PIEZO2: variants seen among roughly 807,000 people sequenced by gnomAD.
PIEZO2 encodes the protein piezo type mechanosensitive ion channel component 2.
In PIEZO2, 172 loss-of-function variants were observed where a neutral mutation model predicts 337.3. The ratio of observed to expected loss-of-function variants is 0.51; its 90% CI spans 0.45 to 0.58. The LOEUF (loss-of-function observed/expected upper bound fraction) is 0.58. PIEZO2 is among the 20% of genes least tolerant of loss of function. The probability of loss-of-function intolerance (pLI) is 0.00; values close to 1 mark genes in which losing one functional copy is unlikely to be tolerated. For missense variants in PIEZO2, 3,028 were observed against 3,391.3 expected, an observed-to-expected ratio of 0.89 and a Z score of 2.66; for synonymous variants, 1,251 against 1,228.5, an observed-to-expected ratio of 1.02 and a Z score of -0.38.
In PIEZO2 at chr18:11,143,623, A is replaced by ACT. The variant is rs1568412583; in HGVS notation, c.64+4901_64+4902insAG. Among the ~76,000 whole-genome samples the ACT allele has an allele frequency of 2.8e-5, 4 of 143,076 alleles. No individual in the cohort carries two copies. The highest frequency in any genetic ancestry group is 1.1e-4 in the African/African-American group (4 of 35,524). 93.9% of individuals were successfully genotyped at this position (143,076 alleles called of 152,430 possible). The stretch of plus-strand genomic sequence containing the variant: ...CTAACACACACACACACACACACAC[A>ACT]CACACACACACACACACTCTCTCTC... On this transcript the variant is annotated intron_variant, in intron 1 of 55. Transcript: ENST00000674853. The surrounding 1 kb of genome is among the most constrained non-coding windows in gnomAD (Gnocchi z 4.9).
chr18:11,111,381 T>C lies in PIEZO2; in HGVS notation c.64+37144A>G, dbSNP rs2146145577. Among the ~76,000 whole-genome samples the C allele has an allele frequency of 6.6e-6, 1 of 152,112 alleles. No individual in the cohort carries two copies. The highest frequency in any genetic ancestry group is 1.9e-4 in the East Asian group (1 of 5,194). On this transcript the variant is annotated intron_variant, in intron 1 of 55. Coordinates refer to ENST00000674853, the MANE Select transcript of PIEZO2 (RefSeq NM_001378183.1). The surrounding 1 kb of genome is among the most constrained non-coding windows in gnomAD (Gnocchi z 6.2). ...TTTTCCTAACCAAGTCCTGAACCAA[T>C]GTAAGACTTTTCATAAAAACCTAGA...
At chr18:11,056,281 A>G (rs77515344) in intron 2 of PIEZO2, among the ~76,000 whole-genome samples, 1,817 of 152,202 alleles carry the variant, frequency 0.012, 36 homozygotes, top group African/African-American at 0.042. Context: ...ATTCCCAGGG[A>G]GGGATTTTGC....
intron 3 of PIEZO2, among the ~76,000 whole-genome samples, chr18:10,972,228 G>C (rs1482897195): frequency 2.0e-5 from 3 of 149,518 alleles, no homozygotes; most frequent in African/African-American, 7.4e-5. Context: ...TGTTAGTTTA[G>C]TTTACATGAA....
rs2039201206 is a variant in PIEZO2, at chr18:11,094,404, C to G, written c.65-28182G>C. Among the ~76,000 whole-genome samples, 1 of 152,134 alleles carries G rather than the reference C, an allele frequency of 6.6e-6. No individual in the cohort carries two copies. Among genetic ancestry groups the G allele is most frequent in the Non-Finnish European group, 1.5e-5 (1 of 68,016 alleles). On this transcript the variant is annotated intron_variant, in intron 1 of 55. Coordinates refer to ENST00000674853, the MANE Select transcript of PIEZO2 (RefSeq NM_001378183.1). This position sits in a 1 kb window ranked among gnomAD's most constrained non-coding sequence, Gnocchi z 4.4. Reference sequence around the variant, plus strand: ...CCAGGGCTTTGAGTCAAGTTAACGACTTTTCCACCATTTTACAGCTGCCTT... The same window carrying G: ...CCAGGGCTTTGAGTCAAGTTAACGAGTTTTCCACCATTTTACAGCTGCCTT...
rs1165600512 is a variant in PIEZO2, at chr18:11,128,798, C to T, written c.64+19727G>A. Among the ~76,000 whole-genome samples, 5 of 152,126 alleles carry T rather than the reference C, an allele frequency of 3.3e-5. No homozygotes were observed. Among genetic ancestry groups the T allele is most frequent in the African/African-American group, 9.7e-5 (4 of 41,400 alleles). On this transcript the variant is annotated intron_variant, in intron 1 of 55. Coordinates refer to ENST00000674853, the MANE Select transcript of PIEZO2 (RefSeq NM_001378183.1). The surrounding 1 kb of genome is among the most constrained non-coding windows in gnomAD (Gnocchi z 4.1). ...GTGTGACCCATGAGGAGGTGCACTA[C>T]ACTCAAAAAGAACTGTTTGAGTTCT... is the stretch of plus-strand genomic sequence containing the variant.
In PIEZO2 at chr18:10,761,109, A is replaced by T. The variant is rs768402678; in HGVS notation, c.3252T>A (p.Asn1084Lys). The T allele has an allele frequency of 6.5e-7, 1 of 1,536,978 alleles. No homozygotes were observed. Among genetic ancestry groups the T allele is most frequent in the Non-Finnish European group, 8.7e-7 (1 of 1,146,660 alleles). ...CCAGGATAGCCAGCATCAGGAGGTT[A>T]TTCTACAAAGCAAGGAAACACAAAT... ...KSSPLLVYLR[N>K]NLLMLAILAF... is the part of the protein sequence containing the mutation. The change falls in exon 24 of 56, where the codon AAT (asparagine) becomes AAA (lysine). Residue 1084 changes from asparagine to lysine, a missense_variant and splice_region_variant. Asn to Lys is a moderately conservative substitution (Grantham distance 94, BLOSUM62 0). Transcript: ENST00000674853.
rs147741337 is a variant in PIEZO2, at chr18:11,097,760, T to G, written c.65-31538A>C. Among the ~76,000 whole-genome samples, 24 of 152,364 alleles carry G rather than the reference T, an allele frequency of 1.6e-4. No individual in the cohort carries two copies. The highest frequency in any genetic ancestry group is 5.5e-4 in the African/African-American group (23 of 41,580). On this transcript the variant is annotated intron_variant, in intron 1 of 55. Transcript: ENST00000674853. This position sits in a 1 kb window ranked among gnomAD's most constrained non-coding sequence, Gnocchi z 5.0. ...TTTGTAATGAAATGTATGGAAATACTGTTGTATGGTAGATATATATTCCTA... is the reference window on the plus strand; with the variant it reads ...TTTGTAATGAAATGTATGGAAATACGGTTGTATGGTAGATATATATTCCTA...
At chr18:10,751,900 G>A (rs2037660542) in intron 28 of PIEZO2, among the ~76,000 whole-genome samples, 1 of 152,150 alleles carries the variant, frequency 6.6e-6, no homozygotes, top group South Asian at 2.1e-4. Context: ...TTACTAGTGG[G>A]CAGTGTGAGT....
rs1021132796 is a variant in PIEZO2, at chr18:10,682,490, G to T, written c.7498-198C>A. On this transcript the variant is annotated intron_variant, in intron 49 of 55. Coordinates refer to ENST00000674853, the MANE Select transcript of PIEZO2 (RefSeq NM_001378183.1). This position sits in a 1 kb window ranked among gnomAD's most constrained non-coding sequence, Gnocchi z 5.6. Reference sequence around the variant, plus strand: ...TGAAGTTAGGTAGTGATGTGAAGCTGTCCTGAGGTCGCTCCAGTACCCCCT... The same window carrying T: ...TGAAGTTAGGTAGTGATGTGAAGCTTTCCTGAGGTCGCTCCAGTACCCCCT... Among the ~76,000 whole-genome samples, 13 of 152,188 alleles carry T rather than the reference G, an allele frequency of 8.5e-5. No individual in the cohort carries two copies.
Position 10,795,351 on chromosome 18 carries a change from ATTATTTTATTTTATT to A in PIEZO2, c.1528-364_1528-350del, listed in dbSNP as rs10694670. Reference sequence around the variant, plus strand: ...ATTTTATTTTATTTTATTTTATTTTATTATTTTATTTTATTTTATTTTATTTTATTTTATTTTATT... The same window carrying A: ...ATTTTATTTTATTTTATTTTATTTTATTATTTTATTTTATTTTATTTTATT... On this transcript the variant is annotated intron_variant, in intron 12 of 55. Transcript: ENST00000674853. The surrounding 1 kb of genome is among the most constrained non-coding windows in gnomAD (Gnocchi z 4.4). Among the ~76,000 whole-genome samples the A allele has an allele frequency of 1.7e-3, 35 of 20,528 alleles. No homozygotes were observed. Among genetic ancestry groups the A allele is most frequent in the Admixed American group, 6.8e-3 (12 of 1,770 alleles). 13.5% of individuals were successfully genotyped at this position (20,528 alleles called of 152,430 possible).
rs563464674 is a variant in PIEZO2 at position 10,753,522 on chromosome 18, C to A, written c.3924-643G>T. ...TGCAACAAGCAGCAGCTCTAGCCTG[C>A]GGGTCAATGTCATCTGACAGGAGTC... On this transcript the variant is annotated intron_variant, in intron 27 of 55. Transcript: ENST00000674853. Among the ~76,000 whole-genome samples the A allele has an allele frequency of 8.7e-4, 133 of 152,304 alleles. 2 individuals are homozygous for A. The highest frequency in any genetic ancestry group is 2.9e-3 in the Admixed American group (44 of 15,296).
Position 10,879,432 on chromosome 18 carries a change from G to A in PIEZO2, c.330-8017C>T, listed in dbSNP as rs188983613. ...TTTTTTTGAGACGGAGTCTTGCGCT[G>A]TTGCCCAGGCTGGAGTGCAGTAGTG... On this transcript the variant is annotated intron_variant, in intron 4 of 55. Coordinates refer to ENST00000674853, the MANE Select transcript of PIEZO2 (RefSeq NM_001378183.1). Among the ~76,000 whole-genome samples, 93 of 118,324 alleles carry A rather than the reference G, an allele frequency of 7.9e-4. 1 individual carries two copies. The East Asian group carries it at 0.019, about 24-fold the overall frequency. 77.6% of individuals were successfully genotyped at this position (118,324 alleles called of 152,430 possible). A position where few individuals can be genotyped will look rare whatever the true frequency, so the allele number is the denominator to read the frequency against.
chr18:11,049,742 T>C (rs1161752767), intron 2 of PIEZO2, among the ~76,000 whole-genome samples: 1 of 152,190 alleles, frequency 6.6e-6, no homozygotes, highest in Non-Finnish European at 1.5e-5. Flanking sequence ...TCCTTCTGTC[T>C]TGCCTGCCAC....
At chr18:10,971,286 C>A (rs548006722) in intron 3 of PIEZO2, among the ~76,000 whole-genome samples, 18 of 152,180 alleles carry the variant, frequency 1.2e-4, no homozygotes, top group African/African-American at 4.1e-4. Context: ...AATCTCAGGG[C>A]GACACACACT....
intron 2 of PIEZO2, among the ~76,000 whole-genome samples, chr18:11,043,302 G>A (rs1396205873): frequency 2.0e-5 from 3 of 151,788 alleles, no homozygotes; most frequent in African/African-American, 4.8e-5. Context: ...GATTATTAGG[G>A]TTACCAGATT....
rs1325814376 is a variant in PIEZO2 at position 11,021,952 on chromosome 18, G to A, written c.161-42292C>T. 2.0e-5 allele frequency among the ~76,000 whole-genome samples: 3 copies of A among 152,140 alleles called. No homozygotes were observed. The highest frequency in any genetic ancestry group is 1.9e-4 in the East Asian group (1 of 5,196). ...CCTGTGCCCCTTGCAGAGTCACCAC[G>A]TGTGAAGGGGATTTGCAGGGGGGTC... On this transcript the variant is annotated intron_variant, in intron 2 of 55. Coordinates refer to ENST00000674853, the MANE Select transcript of PIEZO2 (RefSeq NM_001378183.1). This position sits in a 1 kb window ranked among gnomAD's most constrained non-coding sequence, Gnocchi z 4.7.
rs1415393940 is a variant in PIEZO2 at position 10,773,905 on chromosome 18, G to C, written c.2567+101C>G. On this transcript the variant is annotated intron_variant, in intron 19 of 55. Coordinates refer to ENST00000674853, the MANE Select transcript of PIEZO2 (RefSeq NM_001378183.1). This position sits in a 1 kb window ranked among gnomAD's most constrained non-coding sequence, Gnocchi z 5.3. ...ATGAGAGCTATCAACACCTAAACTTGACATTTTTCCCAGAGGAGAAAATGG... is the reference window on the plus strand; with the variant it reads ...ATGAGAGCTATCAACACCTAAACTTCACATTTTTCCCAGAGGAGAAAATGG... 9.0e-6 allele frequency: 6 copies of C among 665,098 alleles called. No homozygotes were observed. Among genetic ancestry groups the C allele is most frequent in the Admixed American group, 2.4e-5 (1 of 42,390 alleles). 41.2% of individuals were successfully genotyped at this position (665,098 alleles called of 1,614,324 possible).
At chr18:11,040,869 A>G (rs2037095799) in intron 2 of PIEZO2, among the ~76,000 whole-genome samples, 3 of 152,216 alleles carry the variant, frequency 2.0e-5, no homozygotes, top group Admixed American at 2.0e-4. Context: ...AACCTCAAAT[A>G]ACACTTAAAA....
At position 11,131,379 on chromosome 18, in the gene PIEZO2, A is replaced by G. The variant is rs1484463413; in HGVS notation, c.64+17146T>C. Among the ~76,000 whole-genome samples the G allele has an allele frequency of 2.0e-5, 3 of 152,136 alleles. No individual in the cohort carries two copies. Among genetic ancestry groups the G allele is most frequent in the Admixed American group, 2.0e-4 (3 of 15,270 alleles). ...CCCCTGCTACCCTGTCTTCTCTCCC[A>G]CAGCCTGCACCGATGGCCTCATGGG... is the stretch of plus-strand genomic sequence containing the variant. On this transcript the variant is annotated intron_variant, in intron 1 of 55. Transcript: ENST00000674853. This position sits in a 1 kb window ranked among gnomAD's most constrained non-coding sequence, Gnocchi z 5.3.
Sources: gnomAD v4.1 joint callset for allele counts (sites outside exome capture counted in the v4.1 genomes callset) on GRCh38, gnomAD v4.1.1 for gene constraint, Gnocchi (gnomAD v3.1) non-coding constraint, MANE v1.5 for transcripts, NCBI Gene and HGNC (gene_info 2026-07-23, HGNC 2026-07-21) for gene names.